TBX18: variants seen among roughly 807,000 people sequenced by gnomAD.
The protein encoded by TBX18 is T-box transcription factor TBX18.
Under a neutral mutation model 55.0 loss-of-function variants are expected in TBX18, and 21 were observed. That is an observed-to-expected ratio of 0.38 (90% CI 0.27 to 0.55). TBX18 has a LOEUF of 0.55. Ranked by LOEUF, TBX18 falls within the 20% of genes least tolerant of loss-of-function variation. The probability of loss-of-function intolerance (pLI) is 0.73; values close to 1 mark genes in which losing one functional copy is unlikely to be tolerated. For missense variants in TBX18, 840 were observed against 799.6 expected, an observed-to-expected ratio of 1.05 and a Z score of -0.61; for synonymous variants, 342 against 326.1, an observed-to-expected ratio of 1.05 and a Z score of -0.53.
rs1362067382 is a variant in TBX18 at position 84,763,313 on chromosome 6, G to A, written c.293-565C>T. On this transcript the variant is annotated intron_variant, in intron 1 of 7. Transcript: ENST00000369663. ...CAGACCCCGCTTTCGCCAAACTCCC[G>A]GCGCCCTGCGCTTCCAGCCCAGCAG... 7 of 449,246 alleles carry A rather than the reference G, an allele frequency of 1.6e-5. No individual in the cohort carries two copies. The East Asian group carries it at 3.5e-4, about 22-fold the overall frequency. The allele number at this position is 449,246 out of a possible 1,614,324, so 27.8% of individuals were successfully genotyped here. A position where few individuals can be genotyped will look rare whatever the true frequency, so the allele number is the denominator to read the frequency against.
chr6:84,739,858 G>A (rs1396872156), intron 6 of TBX18, among the ~76,000 whole-genome samples: 1 of 152,172 alleles, frequency 6.6e-6, no homozygotes, highest in African/African-American at 2.4e-5. Flanking sequence ...CTGTTCCAAG[G>A]CTTCACACAC....
At chr6:84,745,966 A>G (rs1767172006) in intron 5 of TBX18, among the ~76,000 whole-genome samples, 1 of 152,204 alleles carries the variant, frequency 6.6e-6, no homozygotes, top group South Asian at 2.1e-4. Flanking sequence ...CACAGGCTGC[A>G]GAGCTCATGC....
At chr6:84,753,098 C>G (rs1427625194) in intron 4 of TBX18, among the ~76,000 whole-genome samples, 1 of 152,120 alleles carries the variant, frequency 6.6e-6, no homozygotes, top group Non-Finnish European at 1.5e-5. Context: ...GCATAAAGCT[C>G]GCTATGGATT....
intron 1 of TBX18, chr6:84,763,490 T>C: frequency 2.1e-6 from 1 of 478,296 alleles, no homozygotes; most frequent in Non-Finnish European, 4.1e-6. Context: ...TTTAGGGCAT[T>C]CGTTCCGGTT....
chr6:84,738,753 A>G (rs1361210457), intron 6 of TBX18, among the ~76,000 whole-genome samples, 162 bp from the exon 7 acceptor site: 1 of 152,196 alleles, frequency 6.6e-6, no homozygotes, highest in East Asian at 1.9e-4. Flanking sequence ...TGCTTCAGCA[A>G]TGGGCTAACA....
chr6:84,756,498 C>A (rs575354921), intron 4 of TBX18, among the ~76,000 whole-genome samples, 200 bp downstream of exon 4: 79 of 152,214 alleles, frequency 5.2e-4, no homozygotes, highest in Non-Finnish European at 9.0e-4. Context: ...CTAGTTTTAA[C>A]CTATTAAATG....
At chr6:84,739,591 A>G (rs536441544) in intron 6 of TBX18, among the ~76,000 whole-genome samples, 3 of 152,230 alleles carry the variant, frequency 2.0e-5, no homozygotes, top group African/African-American at 7.2e-5. Flanking sequence ...GTAACATTAC[A>G]CTTTTAATGA....
At chr6:84,759,208 AAAT>A (rs1767579283) in intron 3 of TBX18, among the ~76,000 whole-genome samples, 1 of 152,148 alleles carries the variant, frequency 6.6e-6, no homozygotes, top group Non-Finnish European at 1.5e-5. Context: ...TACACAAAAC[AAAT>A]AATAAGACTG....
chr6:84,762,913 C>T (rs1767694927), intron 1 of TBX18, 165 bp from the exon 2 acceptor site: 2 of 658,850 alleles, frequency 3.0e-6, no homozygotes, highest in African/African-American at 3.6e-5. Context: ...TCGATAGACA[C>T]CCACATTCTG....
intron 3 of TBX18, among the ~76,000 whole-genome samples, chr6:84,758,232 C>T (rs1325183983): frequency 1.3e-5 from 2 of 151,596 alleles, no homozygotes; most frequent in Non-Finnish European, 2.9e-5. Flanking sequence ...ATAGTGAAAC[C>T]CCAGTCTCTA....
intron 3 of TBX18, among the ~76,000 whole-genome samples, chr6:84,759,296 G>A (rs1157518200): frequency 6.6e-6 from 1 of 151,182 alleles, no homozygotes; most frequent in Non-Finnish European, 1.5e-5. Context: ...TTTGATACCA[G>A]TAGGCTATTT....
chr6:84,763,053 A>C, intron 1 of TBX18: 2 of 486,540 alleles, frequency 4.1e-6, no homozygotes, highest in Non-Finnish European at 7.4e-6. Context: ...CCCAGCAGAA[A>C]AGGCTTCACG....
intron 4 of TBX18, 99 bp from the exon 5 acceptor site, chr6:84,748,186 A>C: frequency 1.1e-6 from 1 of 915,372 alleles, no homozygotes; most frequent in South Asian, 2.6e-5. Flanking sequence ...CTGATTGGAA[A>C]TCATTTCCAA....
At chr6:84,751,101 T>A (rs1266279658) in intron 4 of TBX18, among the ~76,000 whole-genome samples, 1 of 152,138 alleles carries the variant, frequency 6.6e-6, no homozygotes, top group Non-Finnish European at 1.5e-5. Context: ...GAAACAAATT[T>A]CTAAGCAGAA....
Position 84,737,170 on chromosome 6 carries a change from C to T in TBX18, c.1339G>A (p.Glu447Lys). ...TYNRLTNQAG[E>K]TFAPPRTPSY... ...GGAGTCCTGGGCGGGGCAAAGGTCT[C>T]ACCAGCCTGGTTGGTGAGCCTGTTG... Residue 447 changes from glutamate to lysine, a missense_variant, in exon 8 of 8, where the codon GAG becomes AAG. Coordinates refer to ENST00000369663, the MANE Select transcript of TBX18 (RefSeq NM_001080508.3). The T allele has an allele frequency of 6.2e-7, 1 of 1,613,894 alleles. No homozygotes were observed. Among genetic ancestry groups the T allele is most frequent in the East Asian group, 2.2e-5 (1 of 44,870 alleles).
chr6:84,750,051 C>T (rs1767302403), intron 4 of TBX18, among the ~76,000 whole-genome samples: 1 of 151,968 alleles, frequency 6.6e-6, no homozygotes, highest in African/African-American at 2.4e-5. Flanking sequence ...TTTGGGAGGC[C>T]GAGGTGGGTG....
chr6:84,737,816 T>C (rs1766922161), intron 7 of TBX18, among the ~76,000 whole-genome samples: 1 of 152,190 alleles, frequency 6.6e-6, no homozygotes, highest in Non-Finnish European at 1.5e-5. Flanking sequence ...GCTGTATTGA[T>C]GGTGTTTTAT....
At chr6:84,738,105 C>A (rs1459485185) in intron 7 of TBX18, among the ~76,000 whole-genome samples, 1 of 152,060 alleles carries the variant, frequency 6.6e-6, no homozygotes. Context: ...TCATCGTTAA[C>A]CCAACAGGAG....
At position 84,747,233 on chromosome 6, in the gene TBX18, A is replaced by C. The variant is rs138753949; in HGVS notation, c.939+687T>G. Among the ~76,000 whole-genome samples, 604 of 152,214 alleles carry C rather than the reference A, an allele frequency of 4.0e-3. 3 individuals are homozygous for C. The highest frequency in any genetic ancestry group is 0.011 in the African/African-American group (455 of 41,560). ...GGCCACATCGGCTTATATTACATGGATATTTCTTATGAAAACCAGCTGGAA... is the reference window on the plus strand; with the variant it reads ...GGCCACATCGGCTTATATTACATGGCTATTTCTTATGAAAACCAGCTGGAA... On this transcript the variant is annotated intron_variant, in intron 5 of 7. Transcript: ENST00000369663.
Sources: allele counts gnomAD v4.1 joint callset (sites outside exome capture counted in the v4.1 genomes callset), GRCh38; gene constraint gnomAD v4.1.1; transcripts MANE v1.5; gene names NCBI Gene and HGNC (gene_info 2026-07-23, HGNC 2026-07-21).